Variants in TTN observed in about 807,000 individuals in gnomAD.
TTN encodes connectin.
Under a neutral mutation model 3,223.0 loss-of-function variants are expected in TTN, and 1,525 were observed. That is an observed-to-expected ratio of 0.47 (90% CI 0.45 to 0.49). TTN has a LOEUF of 0.49. Among genes scored for constraint, TTN ranks in the 20% least tolerant of loss-of-function variants. TTN has a pLI of 0.00. For synonymous variants in TTN, 14,094 were observed against 15,161.0 expected, an observed-to-expected ratio of 0.93 and a Z score of 5.17; for missense variants, 40,786 against 43,424.0, an observed-to-expected ratio of 0.94 and a Z score of 5.40.
rs879066606 is a variant in TTN, at chr2:178,622,699, C to G, written c.44884G>C (p.Glu14962Gln). 3 of 1,607,042 alleles carry G rather than the reference C, an allele frequency of 1.9e-6. No homozygotes were observed. The highest frequency in any genetic ancestry group is 1.3e-5 in the African/African-American group (1 of 74,634). ...QVREKEMARF[E>Q]CELSRENAKV... Reference sequence around the variant, plus strand: ...GCATTTTCTCGGGAAAGTTCACACTCAAATCGAGCCATTTCTTTTTCTCTA... The same window carrying G: ...GCATTTTCTCGGGAAAGTTCACACTGAAATCGAGCCATTTCTTTTTCTCTA... Residue 14962 changes from glutamate (E) to glutamine (Q), a missense_variant, in exon 243 of 363, where the codon GAG becomes CAG. By Grantham distance (29) the Glu-to-Gln change is conservative. Coordinates refer to ENST00000589042, the MANE Select transcript of TTN (RefSeq NM_001267550.2).
rs1325026338 is a variant in TTN at position 178,675,883 on chromosome 2, G to A, written c.34453+38C>T. 8 of 1,583,702 alleles carry A rather than the reference G, an allele frequency of 5.1e-6. No individual in the cohort carries two copies. The South Asian group carries it at 8.0e-5, about 16-fold the overall frequency. On this transcript the variant is annotated intron_variant, in intron 148 of 362. Coordinates refer to ENST00000589042, the MANE Select transcript of TTN (RefSeq NM_001267550.2). ...TTTTGACTTTTATAGGAGAAGGAAG[G>A]AAATGGCATAGTCTAATTTACTTCG...
Position 178,719,737 on chromosome 2 carries a change from A to C in TTN, c.23755T>G (p.Ser7919Ala), listed in dbSNP as rs77183835. 1 of 1,613,704 alleles carries C rather than the reference A, an allele frequency of 6.2e-7. No homozygotes were observed. The highest frequency in any genetic ancestry group is 1.1e-5 in the South Asian group (1 of 91,086). The change falls in exon 82 of 363, where the codon TCA becomes GCA. Residue 7919 changes from serine (S) to alanine (A), a missense_variant. Coordinates refer to ENST00000589042, the MANE Select transcript of TTN (RefSeq NM_001267550.2). The stretch of plus-strand genomic sequence containing the variant: ...CTTCCATCTTTGAACCACTTGGCTG[A>C]GAGTTCTGGTGTTCCAGTCACTACA... ...ECVVTGTPEL[S>A]AKWFKDGREL... is the part of the protein sequence containing the mutation.
In TTN at chr2:178,731,541, A is replaced by G. The variant is rs750058681; in HGVS notation, c.17225T>C (p.Leu5742Pro). ...CTGGAAGGCAGCTGTGCCTCCCCGG[A>G]GGGAGCTGGTACTCTCGATCTTCTT... ...FIKKIESTSS[L>P]RGGTAAFQAT... The change falls in exon 59 of 363, where the codon CTC becomes CCC. Residue 5742 changes from leucine to proline, a missense_variant. Leu to Pro is a moderately conservative substitution (Grantham distance 98). Transcript: ENST00000589042. The G allele has an allele frequency of 3.7e-6, 6 of 1,612,572 alleles. No individual in the cohort carries two copies. In the African/African-American group the frequency reaches 8.0e-5, roughly 22 times the overall value.
At chr2:178,554,272 TAC>T in intron 332 of TTN, 56 bp from the exon 333 acceptor site, 1 of 1,493,428 alleles carries the variant, frequency 6.7e-7, no homozygotes. Flanking sequence ...TGATAAATTA[TAC>T]CTTTGATGTT....
At position 178,790,680 on chromosome 2, in the gene TTN, G is replaced by A. The variant is rs1279241916; in HGVS notation, c.1800+28C>T. 13 of 1,613,968 alleles carry A rather than the reference G, an allele frequency of 8.1e-6. No homozygotes were observed. In the South Asian group the frequency reaches 1.3e-4, roughly 16 times the overall value. On this transcript the variant is annotated intron_variant, in intron 11 of 362. Coordinates refer to ENST00000589042, the MANE Select transcript of TTN (RefSeq NM_001267550.2). Reference sequence around the variant, plus strand: ...TTTGCAAATGAAATGGTGCAAGAGTGACTTTCACATTGGCAGGAAGTCATC... The same window carrying A: ...TTTGCAAATGAAATGGTGCAAGAGTAACTTTCACATTGGCAGGAAGTCATC...
chr2:178,790,158 A>T (rs2093413211), intron 11 of TTN, 43 bp from the exon 12 acceptor site: 1 of 1,587,580 alleles, frequency 6.3e-7, no homozygotes, highest in Non-Finnish European at 8.6e-7. Flanking sequence ...ATTAAATTCC[A>T]TAAATCTTTA....
intron 3 of TTN, among the ~76,000 whole-genome samples, chr2:178,801,286 G>A (rs3769862): frequency 0.07 from 10,616 of 152,172 alleles, 848 homozygotes; most frequent in African/African-American, 0.19. Context: ...TTATGTTGAA[G>A]GAAATTTTTT....
rs1476572757 is a variant in TTN, at chr2:178,650,819, T to C, written c.39641A>G (p.Lys13214Arg). The C allele has an allele frequency of 6.2e-7, 1 of 1,606,554 alleles. No individual in the cohort carries two copies. Among genetic ancestry groups the C allele is most frequent in the East Asian group, 2.2e-5 (1 of 44,514 alleles). Residue 13214 changes from lysine (K) to arginine (R), a missense_variant, in exon 209 of 363, where the codon AAG (lysine) becomes AGG (arginine). Transcript: ENST00000589042. ...TGGTTTCTCTTCCAAGACAGGTTTCTTTGGCACTTCTGGCACTTTAAAGAT... is the reference window on the plus strand; with the variant it reads ...TGGTTTCTCTTCCAAGACAGGTTTCCTTGGCACTTCTGGCACTTTAAAGAT... ...VPPAKVPEVP[K>R]KPVLEEKPAV...
chr2:178,775,715 T>G lies in TTN; in HGVS notation c.6149A>C (p.Lys2050Thr), dbSNP rs753639460. 1 of 1,614,042 alleles carries G rather than the reference T, an allele frequency of 6.2e-7. No individual in the cohort carries two copies. The highest frequency in any genetic ancestry group is 8.5e-7 in the Non-Finnish European group (1 of 1,180,012). The change falls in exon 28 of 363, where the codon AAG becomes ACG. Residue 2050 changes from lysine to threonine, a missense_variant. By Grantham distance (78) the Lys-to-Thr change is moderately conservative. Transcript: ENST00000589042. Reference sequence around the variant, plus strand: ...TTTGCCTTCTTCGGCAAGAGCTTTCTTTTCCTCTTCAGTTAACTCTTTGGT... The same window carrying G: ...TTTGCCTTCTTCGGCAAGAGCTTTCGTTTCCTCTTCAGTTAACTCTTTGGT... ...HWTKELTEEE[K>T]KALAEEGKIT...
chr2:178,779,391 T>C lies in TTN; in HGVS notation c.3801A>G (p.Leu1267=), dbSNP rs755014492. ...EIEYRIIKTT[L]EELLEEDGEE... is the part of the protein sequence containing the mutation. ...CTCCATCTTCTTCAAGAAGTTCTTC[T>C]AATGTAGTCTTTATTATTCTATATT... Residue 1267 remains leucine (L), a synonymous_variant, in exon 23 of 363, where the codon TTA becomes TTG. Transcript: ENST00000589042. The C allele has an allele frequency of 1.9e-6, 3 of 1,599,406 alleles. No individual in the cohort carries two copies. Among genetic ancestry groups the C allele is most frequent in the African/African-American group, 1.3e-5 (1 of 74,700 alleles).
chr2:178,675,801 A>C (rs1440558199), intron 148 of TTN, 47 bp from the exon 149 acceptor site: 4 of 1,521,876 alleles, frequency 2.6e-6, no homozygotes, highest in Non-Finnish European at 3.5e-6. Flanking sequence ...CACACACACA[A>C]AGACAAGTAG....
In TTN at chr2:178,704,168, A is replaced by T. The variant is rs1410740071; in HGVS notation, c.30202T>A (p.Ser10068Thr). Reference protein sequence around the residue: ...YTCKYEDLETSAELRIEAEPI... With the variant: ...YTCKYEDLETTAELRIEAEPI... ...GCACCTTCGATTCTGAGTTCTGCTGAAGTTTCAAGGTCTTCATATTTGCAG... is the reference window on the plus strand; with the variant it reads ...GCACCTTCGATTCTGAGTTCTGCTGTAGTTTCAAGGTCTTCATATTTGCAG... Residue 10068 changes from serine (S) to threonine (T), a missense_variant, in exon 106 of 363, where the codon TCA (serine) becomes ACA (threonine). By Grantham distance (58) the Ser-to-Thr change is moderately conservative. Coordinates refer to ENST00000589042, the MANE Select transcript of TTN (RefSeq NM_001267550.2). 8 of 1,613,908 alleles carry T rather than the reference A, an allele frequency of 5.0e-6. No homozygotes were observed. The highest frequency in any genetic ancestry group is 6.8e-6 in the Non-Finnish European group (8 of 1,179,866).
rs765136501 is a variant in TTN at position 178,704,970 on chromosome 2, A to G, written c.29605-4T>C. ...ACCTCTCTATTTCCTCAATTTCCTG[A>G]GAAGAACAAAAATGATAGGCATTAC... is the stretch of plus-strand genomic sequence containing the variant. On this transcript the variant is annotated splice_polypyrimidine_tract_variant and splice_region_variant and intron_variant, in intron 103 of 362. Transcript: ENST00000589042. 3.7e-5 allele frequency: 60 copies of G among 1,611,816 alleles called. No homozygotes were observed. The highest frequency in any genetic ancestry group is 4.2e-5 in the Non-Finnish European group (49 of 1,179,640).
At position 178,538,728 on chromosome 2, in the gene TTN, C is replaced by G. The variant is rs786205365; in HGVS notation, c.99101G>C (p.Trp33034Ser). ...CDGGKEILGY[W>S]VEYRQSGDSA... ...GTCTCCAGACTGTCTATATTCAACC[C>G]AGTATCCAAGAATTTCTTTACCACC... Residue 33034 changes from tryptophan (W) to serine (S), a missense_variant, in exon 354 of 363, where the codon TGG becomes TCG. Physicochemically the swap from Trp to Ser is radical, Grantham distance 177. Coordinates refer to ENST00000589042, the MANE Select transcript of TTN (RefSeq NM_001267550.2). 2.5e-6 allele frequency: 4 copies of G among 1,613,766 alleles called. No individual in the cohort carries two copies. The highest frequency in any genetic ancestry group is 2.2e-5 in the South Asian group (2 of 91,072).
Position 178,731,519 on chromosome 2 carries a change from G to C in TTN, c.17247C>G (p.Phe5749Leu), listed in dbSNP as rs562519092. Residue 5749 changes from phenylalanine (F) to leucine (L), a missense_variant, in exon 59 of 363, where the codon TTC becomes TTG. Transcript: ENST00000589042. ...TSSLRGGTAA[F>L]QATLKGSLPI... The stretch of plus-strand genomic sequence containing the variant: ...GCAAGGAGCCCTTCAGAGTGGCCTG[G>C]AAGGCAGCTGTGCCTCCCCGGAGGG... The C allele has an allele frequency of 6.2e-7, 1 of 1,613,384 alleles. No homozygotes were observed. Among genetic ancestry groups the C allele is most frequent in the East Asian group, 2.2e-5 (1 of 44,772 alleles).
chr2:178,612,236 G>A (rs758612107), intron 266 of TTN, 41 bp downstream of exon 266: 27 of 1,606,036 alleles, frequency 1.7e-5, no homozygotes, highest in East Asian at 2.2e-5. Context: ...AATTAAGTGC[G>A]AGAGCACTTA....
intron 111 of TTN, 136 bp downstream of exon 111, chr2:178,700,984 G>T: frequency 1.6e-6 from 1 of 610,066 alleles, no homozygotes; most frequent in East Asian, 2.9e-5. Flanking sequence ...CTAATACTTT[G>T]AGAAAGTAAT....
In TTN at chr2:178,620,902, G is replaced by A. The variant is rs760790889; in HGVS notation, c.45708C>T (p.Ala15236=). The change falls in exon 247 of 363, where the codon GCC becomes GCT. Residue 15236 remains alanine, a synonymous_variant. Coordinates refer to ENST00000589042, the MANE Select transcript of TTN (RefSeq NM_001267550.2). ...CTTCATTTCTGAACCATTTGGCTTTGGCACCTTCAGTATTGACTTCACAGT... is the reference window on the plus strand; with the variant it reads ...CTTCATTTCTGAACCATTTGGCTTTAGCACCTTCAGTATTGACTTCACAGT... The part of the protein sequence containing the change: ...VFNCEVNTEG[A]KAKWFRNEEA... 1 of 1,612,422 alleles carries A rather than the reference G, an allele frequency of 6.2e-7. No homozygotes were observed. The highest frequency in any genetic ancestry group is 8.5e-7 in the Non-Finnish European group (1 of 1,179,140).
chr2:178,717,488 G>A, intron 87 of TTN, 35 bp downstream of exon 87: 1 of 1,568,322 alleles, frequency 6.4e-7, no homozygotes, highest in South Asian at 1.2e-5. Context: ...CAGTGAAGCT[G>A]CTTTACAATG....
Sources: gnomAD v4.1 joint callset for allele counts (sites outside exome capture counted in the v4.1 genomes callset) on GRCh38, gnomAD v4.1.1 for gene constraint, MANE v1.5 for transcripts, NCBI Gene and HGNC (gene_info 2026-07-23, HGNC 2026-07-21) for gene names.